LARGE1: variants seen among roughly 807,000 people sequenced by gnomAD.
LARGE1 encodes xylosyl- and glucuronyltransferase LARGE1.
A neutral mutation model predicts 87.6 loss-of-function variants in LARGE1; 43 were observed. The observed-to-expected ratio is 0.49, with a 90% CI of 0.38 to 0.63. The LOEUF (loss-of-function observed/expected upper bound fraction) is 0.63. Ranked by LOEUF, LARGE1 falls within the 30% of genes least tolerant of loss-of-function variation. The pLI is 0.00. For synonymous variants in LARGE1, 434 were observed against 394.6 expected (o/e 1.10, Z -1.18); for missense variants, 802 against 1,000.2 (o/e 0.80, Z 2.67).
At chr22:33,245,736 C>T (rs1451566880) in intron 11 of LARGE1, among the ~76,000 whole-genome samples, 1 of 152,154 alleles carries the variant, frequency 6.6e-6, no homozygotes, top group African/African-American at 2.4e-5. Context: ...TGGCAAAACC[C>T]TGTCTCCATC....
chr22:33,237,117 A>T (rs1293286608), intron 11 of LARGE1, among the ~76,000 whole-genome samples: 1 of 152,216 alleles, frequency 6.6e-6, no homozygotes, highest in Admixed American at 6.5e-5. Flanking sequence ...CTTGGTCTGA[A>T]TTTCTTCACT....
At chr22:33,816,201 A>G (rs2086642034) in intron 1 of LARGE1, among the ~76,000 whole-genome samples, 1 of 152,194 alleles carries the variant, frequency 6.6e-6, no homozygotes, top group Admixed American at 6.5e-5. Flanking sequence ...ACAGGGCAGG[A>G]CAGCATCTGG....
At chr22:33,783,910 G>A (rs2085513810) in intron 1 of LARGE1, among the ~76,000 whole-genome samples, 1 of 152,224 alleles carries the variant, frequency 6.6e-6, no homozygotes, top group South Asian at 2.1e-4. Flanking sequence ...TTTCCTCAAT[G>A]GGCTCTAAAA....
chr22:33,079,755 T>C, the LARGE1 span, among the ~76,000 whole-genome samples: 13 of 152,140 alleles, frequency 8.5e-5, no homozygotes, highest in Non-Finnish European at 1.8e-4. Flanking sequence ...TAGAAGAACC[T>C]AGCAAGTAGT....
At chr22:33,824,283 C>A (rs1484257600) in intron 1 of LARGE1, among the ~76,000 whole-genome samples, 1 of 152,152 alleles carries the variant, frequency 6.6e-6, no homozygotes, top group East Asian at 1.9e-4. Flanking sequence ...GTTCTGCAAG[C>A]TGTACAGGAA....
intron 2 of LARGE1, among the ~76,000 whole-genome samples, chr22:33,666,321 G>A (rs2081266050): frequency 6.6e-6 from 1 of 152,212 alleles, no homozygotes; most frequent in African/African-American, 2.4e-5. Flanking sequence ...AAGCATGGAT[G>A]CAGAAGAAAG....
At chr22:33,764,985 A>G (rs1326180971) in intron 1 of LARGE1, among the ~76,000 whole-genome samples, 2 of 152,220 alleles carry the variant, frequency 1.3e-5, no homozygotes, top group African/African-American at 4.8e-5. Context: ...TCACAACATT[A>G]AAATCACAAT....
At chr22:33,599,670 C>T (rs2079065913) in intron 5 of LARGE1, among the ~76,000 whole-genome samples, 3 of 152,188 alleles carry the variant, frequency 2.0e-5, no homozygotes. Context: ...TTTCCTATTA[C>T]TTCATTCTAC....
intron 6 of LARGE1, among the ~76,000 whole-genome samples, chr22:33,446,046 C>A (rs973834424): frequency 1.3e-5 from 2 of 152,196 alleles, no homozygotes; most frequent in African/African-American, 2.4e-5. Context: ...GATCTTTGAA[C>A]TTCACCCTCA....
intron 12 of LARGE1, among the ~76,000 whole-genome samples, chr22:33,301,943 A>G (rs1052328389): frequency 5.3e-5 from 8 of 149,652 alleles, no homozygotes; most frequent in African/African-American, 2.1e-4. Context: ...CATGAGGTCA[A>G]ATAATTAAAT....
chr22:33,719,496 CATATTTATTTAT>C (rs1395185069), intron 2 of LARGE1, among the ~76,000 whole-genome samples: 10 of 130,688 alleles, frequency 7.7e-5, no homozygotes, highest in East Asian at 6.4e-4. Flanking sequence ...CCATCTATAC[CATATTTATTTAT>C]TTATTTATTT....
rs1024501101 is a variant in LARGE1 at position 33,829,059 on chromosome 22, A to AGT, written c.-82-67503_-82-67502dup. ...AGTCTTGCTCTGTTGCCCAGGCTGG[A>AGT]GTGCAGTGGCGTGATCTCGGCTCAC... On this transcript the variant is annotated intron_variant, in intron 1 of 14. Coordinates refer to ENST00000397394, the MANE Select transcript of LARGE1 (RefSeq NM_133642.5). Among the ~76,000 whole-genome samples, 4 of 124,214 alleles carry AGT rather than the reference A, an allele frequency of 3.2e-5. No homozygotes were observed. In the Admixed American group the frequency reaches 4.4e-4, roughly 14 times the overall value. 81.5% of individuals were successfully genotyped at this position (124,214 alleles called of 152,430 possible). A position where few individuals can be genotyped will look rare whatever the true frequency, so the allele number is the denominator to read the frequency against.
chr22:33,298,845 GGAAA>G (rs1933729568), intron 12 of LARGE1, among the ~76,000 whole-genome samples: 1 of 149,376 alleles, frequency 6.7e-6, no homozygotes, highest in African/African-American at 2.5e-5. Context: ...GAGAAGTAAA[GGAAA>G]GAAAGAAGAA....
chr22:33,675,893 C>T (rs2081563036), intron 2 of LARGE1, among the ~76,000 whole-genome samples: 1 of 145,260 alleles, frequency 6.9e-6, no homozygotes, highest in South Asian at 2.1e-4. Context: ...AATAATTGGC[C>T]CAAGGTCATT....
chr22:33,175,001 A>T (rs1922785866), intron 11 of LARGE1, among the ~76,000 whole-genome samples: 2 of 152,226 alleles, frequency 1.3e-5, no homozygotes, highest in African/African-American at 4.8e-5. Flanking sequence ...CATCATCCTG[A>T]TACCAAAACC....
chr22:33,840,881 C>A (rs2146411414), intron 1 of LARGE1, among the ~76,000 whole-genome samples: 1 of 152,288 alleles, frequency 6.6e-6, no homozygotes, highest in Non-Finnish European at 1.5e-5. Flanking sequence ...CCTCAGCCTC[C>A]CAAAGTGCTG....
At position 33,456,411 on chromosome 22, in the gene LARGE1, T is replaced by G. The variant is rs142850154; in HGVS notation, c.788-24146A>C. The stretch of plus-strand genomic sequence containing the variant: ...TGAATCTTTCTTGGAGACAGGCCAA[T>G]TTTGGACATATTATTGTTTTAACAG... On this transcript the variant is annotated intron_variant, in intron 6 of 14. Coordinates refer to ENST00000397394, the MANE Select transcript of LARGE1 (RefSeq NM_133642.5). Among the ~76,000 whole-genome samples the G allele has an allele frequency of 3.0e-3, 458 of 152,300 alleles. 2 individuals carry two copies. Among genetic ancestry groups the G allele is most frequent in the Middle Eastern group, 0.024 (7 of 294 alleles).
At chr22:33,229,467 T>C (rs541923587) in intron 11 of LARGE1, among the ~76,000 whole-genome samples, 1 of 152,108 alleles carries the variant, frequency 6.6e-6, no homozygotes, top group Admixed American at 6.5e-5. Flanking sequence ...TAAAAATAAA[T>C]AATACTTTGA....
intron 6 of LARGE1, among the ~76,000 whole-genome samples, chr22:33,529,196 A>G (rs373357846): frequency 1.2e-4 from 18 of 152,280 alleles, no homozygotes; most frequent in African/African-American, 3.9e-4. Context: ...TCAGGAGTAG[A>G]AATGGTGAGC....
Sources: allele counts gnomAD v4.1 joint callset (sites outside exome capture counted in the v4.1 genomes callset), GRCh38; gene constraint gnomAD v4.1.1; transcripts MANE v1.5; gene names NCBI Gene and HGNC (gene_info 2026-07-23, HGNC 2026-07-21).